Variants in ATXN7L1 observed in about 807,000 individuals in gnomAD.
ATXN7L1 encodes ataxin-7-like protein 1.
ATXN7L1 carries 15 observed loss-of-function variants against 70.8 expected under a neutral mutation model. The ratio of observed to expected loss-of-function variants is 0.21; its 90% CI spans 0.14 to 0.33. The LOEUF (loss-of-function observed/expected upper bound fraction) is 0.33, where lower values mean the gene tolerates loss of function less well. Ranked by LOEUF, ATXN7L1 falls within the 10% of genes least tolerant of loss-of-function variation. The pLI, the probability that ATXN7L1 is intolerant of heterozygous loss-of-function variation, is 1.00. For synonymous variants in ATXN7L1, 440 were observed against 445.1 expected (o/e 0.99, Z 0.14); for missense variants, 975 against 1,097.1 (o/e 0.89, Z 1.57).
chr7:105,786,116 G>C (rs1159995754), intron 3 of ATXN7L1, among the ~76,000 whole-genome samples: 1 of 152,180 alleles, frequency 6.6e-6, no homozygotes, highest in East Asian at 1.9e-4. Context: ...CTAGAGCTGA[G>C]GGAGGCCTTG....
chr7:105,707,514 A>G (rs903035826), intron 3 of ATXN7L1, among the ~76,000 whole-genome samples: 5 of 152,222 alleles, frequency 3.3e-5, no homozygotes, highest in Non-Finnish European at 5.9e-5. Context: ...TCCTCCTCAC[A>G]GCCTTTGGTA....
rs190524450 is a variant in ATXN7L1, at chr7:105,801,734, G to C, written c.251-13026C>G. Among the ~76,000 whole-genome samples the C allele has an allele frequency of 2.2e-4, 34 of 152,264 alleles. No homozygotes were observed. In the East Asian group the frequency reaches 6.0e-3, roughly 27 times the overall value. ...CTCAGTGGTGTGCTGGAGCCGAATG[G>C]AACTGCTCATGACAGCCAATTGTGC... is the stretch of plus-strand genomic sequence containing the variant. On this transcript the variant is annotated intron_variant, in intron 2 of 11. Transcript: ENST00000419735.
chr7:105,695,291 T>C (rs926324334), intron 3 of ATXN7L1, among the ~76,000 whole-genome samples: 6 of 152,116 alleles, frequency 3.9e-5, no homozygotes, highest in Non-Finnish European at 8.8e-5. Context: ...CGTCTCAAAA[T>C]AAATAAACAT....
At chr7:105,623,953 C>T in intron 8 of ATXN7L1, 122 bp downstream of exon 8, 1 of 924,224 alleles carries the variant, frequency 1.1e-6, no homozygotes, top group South Asian at 5.1e-5. Context: ...CATGGTAAGC[C>T]TTTTTGTAAA....
intron 2 of ATXN7L1, chr7:105,819,913 G>A: frequency 1.9e-6 from 1 of 524,314 alleles, no homozygotes. Flanking sequence ...GGGGCGCCTG[G>A]CTCACGAGGT....
intron 3 of ATXN7L1, among the ~76,000 whole-genome samples, chr7:105,736,912 CT>C (rs1304959561): frequency 2.0e-5 from 3 of 152,128 alleles, no homozygotes; most frequent in Non-Finnish European, 2.9e-5. Context: ...GAGATGTGTT[CT>C]TTTTAGGTTT....
At chr7:105,841,917 T>C (rs1235509483) in intron 2 of ATXN7L1, among the ~76,000 whole-genome samples, 4 of 152,184 alleles carry the variant, frequency 2.6e-5, no homozygotes, top group South Asian at 2.1e-4. Flanking sequence ...GCCTAGCACA[T>C]AGTGGGTACT....
chr7:105,696,607 A>G (rs1167844963), intron 3 of ATXN7L1, among the ~76,000 whole-genome samples: 1 of 152,250 alleles, frequency 6.6e-6, no homozygotes, highest in African/African-American at 2.4e-5. Flanking sequence ...AACTTGTAAT[A>G]TCACATTAAA....
chr7:105,728,195 C>T lies in ATXN7L1; in HGVS notation c.355+60409G>A, dbSNP rs555777203. 2.0e-5 allele frequency among the ~76,000 whole-genome samples: 3 copies of T among 152,242 alleles called. 1 individual carries two copies. The South Asian group carries it at 6.2e-4, about 32-fold the overall frequency. ...GTATTACAAACGTGTAAAAAAACTT[C>T]ACTGAAGAGGGTTGAGGGAAAAGTG... On this transcript the variant is annotated intron_variant, in intron 3 of 11. Transcript: ENST00000419735.
At chr7:105,760,328 G>A in intron 3 of ATXN7L1, 1 of 918,502 alleles carries the variant, frequency 1.1e-6, no homozygotes, top group Non-Finnish European at 1.3e-6. Context: ...AACCATATGA[G>A]GGGGCTGTTA....
chr7:105,825,030 A>G (rs1430564150), intron 2 of ATXN7L1, among the ~76,000 whole-genome samples: 1 of 152,212 alleles, frequency 6.6e-6, no homozygotes, highest in Non-Finnish European at 1.5e-5. Flanking sequence ...GCTTTCAGAG[A>G]ACGAAAGTGG....
chr7:105,781,754 C>T (rs1340115757), intron 3 of ATXN7L1, among the ~76,000 whole-genome samples: 1 of 152,164 alleles, frequency 6.6e-6, no homozygotes, highest in African/African-American at 2.4e-5. Context: ...CTATTATTTC[C>T]ATTTTAATAC....
chr7:105,706,548 C>T (rs1273878862), intron 3 of ATXN7L1, among the ~76,000 whole-genome samples: 1 of 151,972 alleles, frequency 6.6e-6, no homozygotes, highest in Non-Finnish European at 1.5e-5. Flanking sequence ...CAAAAAACAC[C>T]ACCACCACCA....
intron 11 of ATXN7L1, 148 bp from the exon 12 acceptor site, chr7:105,608,038 C>T (rs1792836846): frequency 1.4e-6 from 1 of 736,260 alleles, no homozygotes; most frequent in South Asian, 1.7e-5. Flanking sequence ...GCTGGAATAG[C>T]AAGAGATGAT....
At chr7:105,794,226 T>C in intron 2 of ATXN7L1, among the ~76,000 whole-genome samples, 1 of 152,144 alleles carries the variant, frequency 6.6e-6, no homozygotes, top group East Asian at 1.9e-4. Flanking sequence ...ATCTGAGAGT[T>C]AAGTTGGGAT....
intron 3 of ATXN7L1, among the ~76,000 whole-genome samples, chr7:105,763,165 T>A (rs1728593501): frequency 6.6e-6 from 1 of 152,234 alleles, no homozygotes; most frequent in South Asian, 2.1e-4. Flanking sequence ...GGCAACAGGT[T>A]ACTAACACAC....
intron 3 of ATXN7L1, among the ~76,000 whole-genome samples, chr7:105,786,543 C>T (rs986581442): frequency 5.3e-5 from 8 of 152,166 alleles, no homozygotes; most frequent in Non-Finnish European, 1.0e-4. Context: ...TCTCTTGAGA[C>T]AGGGTCTTGC....
intron 3 of ATXN7L1, among the ~76,000 whole-genome samples, chr7:105,769,960 C>T (rs1261152382): frequency 1.3e-5 from 2 of 152,182 alleles, no homozygotes; most frequent in East Asian, 1.9e-4. Context: ...CCTAACAGCT[C>T]GTGGCATTCG....
chr7:105,613,986 G>C lies in ATXN7L1; in HGVS notation c.2348C>G (p.Ser783Trp). The change falls in exon 10 of 12, where the codon TCG becomes TGG. Residue 783 changes from serine to tryptophan, a missense_variant. Transcript: ENST00000419735. ...DKSEGKKRKN[S>W]SSSSKACKIT... ...TTTACAGGCTTTGCTACTAGAACTCGAGTTCTTACGCTTTTTTCCTTCTGA... is the reference window on the plus strand; with the variant it reads ...TTTACAGGCTTTGCTACTAGAACTCCAGTTCTTACGCTTTTTTCCTTCTGA... The C allele has an allele frequency of 6.4e-7, 1 of 1,552,216 alleles. No individual in the cohort carries two copies. Among genetic ancestry groups the C allele is most frequent in the Non-Finnish European group, 8.7e-7 (1 of 1,147,118 alleles).
Sources: gnomAD v4.1 joint callset for allele counts (sites outside exome capture counted in the v4.1 genomes callset) on GRCh38, gnomAD v4.1.1 for gene constraint, MANE v1.5 for transcripts, NCBI Gene and HGNC (gene_info 2026-07-23, HGNC 2026-07-21) for gene names.